SLX4IP: variants seen among roughly 807,000 people sequenced by gnomAD.
The protein encoded by SLX4IP is SLX4 interacting protein, also known as protein SLX4IP.
A neutral mutation model predicts 32.9 loss-of-function variants in SLX4IP; 34 were observed. That is an observed-to-expected ratio of 1.03 (90% confidence interval 0.79 to 1.38). The LOEUF (loss-of-function observed/expected upper bound fraction) is 1.38, where lower values mean the gene tolerates loss of function less well. Among genes scored for constraint, SLX4IP ranks in the 40% most tolerant of loss-of-function variants. The pLI is 0.00. For synonymous variants in SLX4IP, 172 were observed against 171.7 expected, an observed-to-expected ratio of 1.00 and a Z score of -0.01; for missense variants, 444 against 479.0, an observed-to-expected ratio of 0.93 and a Z score of 0.68.
intron 2 of SLX4IP, among the ~76,000 whole-genome samples, chr20:10,496,868 C>T (rs2065672562): frequency 6.6e-6 from 1 of 152,180 alleles, no homozygotes; most frequent in African/African-American, 2.4e-5. Context: ...TTCATTCTAA[C>T]ATTTTTCAGC....
At chr20:10,463,048 T>C (rs1266341142) in intron 2 of SLX4IP, among the ~76,000 whole-genome samples, 1 of 152,142 alleles carries the variant, frequency 6.6e-6, no homozygotes, top group Non-Finnish European at 1.5e-5. Flanking sequence ...AGAGAGACCC[T>C]GTCTCTAAAA....
At chr20:10,608,175 G>A (rs992041963) in intron 6 of SLX4IP, among the ~76,000 whole-genome samples, 1 of 152,140 alleles carries the variant, frequency 6.6e-6, no homozygotes, top group South Asian at 2.1e-4. Context: ...TAGAACAACT[G>A]GAAAAGGGAT....
chr20:10,515,416 C>G (rs2065841965), intron 2 of SLX4IP, among the ~76,000 whole-genome samples: 1 of 152,148 alleles, frequency 6.6e-6, no homozygotes, highest in African/African-American at 2.4e-5. Flanking sequence ...AAATTATTTT[C>G]TGGTGAAACA....
intron 1 of SLX4IP, among the ~76,000 whole-genome samples, chr20:10,452,185 T>A (rs554011237): frequency 6.6e-6 from 1 of 152,126 alleles, no homozygotes; most frequent in Non-Finnish European, 1.5e-5. Context: ...CCTCCATCCT[T>A]GTGAGCTCTC....
intron 7 of SLX4IP, 132 bp downstream of exon 7, chr20:10,621,546 C>T (rs1254157062): frequency 2.7e-6 from 2 of 733,466 alleles, no homozygotes; most frequent in Non-Finnish European, 4.7e-6. Flanking sequence ...CTTACTCTCC[C>T]CTCCCTCCTG....
chr20:10,534,921 GT>G (rs1425867652), intron 2 of SLX4IP, among the ~76,000 whole-genome samples: 4 of 152,204 alleles, frequency 2.6e-5, no homozygotes, highest in African/African-American at 9.7e-5. Flanking sequence ...ATAGAAAGGC[GT>G]AAAATGCAAC....
In SLX4IP at chr20:10,556,295, G is replaced by A. The variant is rs753726534; in HGVS notation, c.92G>A (p.Ser31Asn). The A allele has an allele frequency of 4.3e-6, 7 of 1,613,354 alleles. No individual in the cohort carries two copies. In the East Asian group the frequency reaches 1.6e-4, roughly 36 times the overall value. ...ILPQGSNKDT[S>N]WFSEQKKEEV... Reference sequence around the variant, plus strand: ...CCACAAGGTTCAAACAAAGATACAAGCTGGTTTTCTGAACAGAAGAAAGAG... The same window carrying A: ...CCACAAGGTTCAAACAAAGATACAAACTGGTTTTCTGAACAGAAGAAAGAG... Residue 31 changes from serine to asparagine, a missense_variant, in exon 3 of 8, where the codon AGC becomes AAC. Coordinates refer to ENST00000334534, the MANE Select transcript of SLX4IP (RefSeq NM_001009608.3).
intron 2 of SLX4IP, among the ~76,000 whole-genome samples, chr20:10,526,700 C>T (rs2065942995): frequency 1.3e-5 from 2 of 152,178 alleles, no homozygotes; most frequent in Admixed American, 6.5e-5. Flanking sequence ...CCTGTAATCC[C>T]AGCACTTTGG....
intron 2 of SLX4IP, among the ~76,000 whole-genome samples, chr20:10,475,536 AG>A (rs2065469048): frequency 6.6e-6 from 1 of 152,158 alleles, no homozygotes; most frequent in African/African-American, 2.4e-5. Flanking sequence ...CATGGCCCTG[AG>A]GCAGCTTCAC....
At chr20:10,572,160 C>T (rs991235114) in intron 4 of SLX4IP, among the ~76,000 whole-genome samples, 2 of 152,154 alleles carry the variant, frequency 1.3e-5, no homozygotes, top group Non-Finnish European at 2.9e-5. Context: ...AGCTTTAGAA[C>T]CCTTTCTCTA....
At chr20:10,517,003 A>C (rs2065856264) in intron 2 of SLX4IP, among the ~76,000 whole-genome samples, 1 of 152,236 alleles carries the variant, frequency 6.6e-6, no homozygotes. Flanking sequence ...TCAACCTGCA[A>C]CTTAAAACCT....
chr20:10,611,165 G>A (rs1269809125), intron 6 of SLX4IP, among the ~76,000 whole-genome samples: 1 of 152,142 alleles, frequency 6.6e-6, no homozygotes, highest in Non-Finnish European at 1.5e-5. Flanking sequence ...CCCCAAATAA[G>A]CTGATAATAT....
At chr20:10,548,504 G>T (rs1204780708) in intron 2 of SLX4IP, among the ~76,000 whole-genome samples, 1 of 152,222 alleles carries the variant, frequency 6.6e-6, no homozygotes, top group Non-Finnish European at 1.5e-5. Context: ...CTCACAGAGT[G>T]CTGGGATTAC....
chr20:10,538,903 G>T (rs920845232), intron 2 of SLX4IP, among the ~76,000 whole-genome samples: 2 of 152,210 alleles, frequency 1.3e-5, no homozygotes, highest in African/African-American at 2.4e-5. Context: ...GCACACAGTG[G>T]ATTGCAGCCT....
At chr20:10,435,537 G>C (rs1001766826) in intron 1 of SLX4IP, 84 bp downstream of exon 1, 1 of 152,190 alleles carries the variant, frequency 6.6e-6, no homozygotes, top group Non-Finnish European at 1.5e-5. Flanking sequence ...CTGGTTTTTG[G>C]CTTTGATTTT....
intron 6 of SLX4IP, among the ~76,000 whole-genome samples, chr20:10,619,336 C>T (rs964843574): frequency 1.3e-5 from 2 of 151,736 alleles, no homozygotes; most frequent in Non-Finnish European, 2.9e-5. Flanking sequence ...CATTTTCCCC[C>T]ATTGTTGTCA....
At chr20:10,549,013 A>G (rs1432282310) in intron 2 of SLX4IP, among the ~76,000 whole-genome samples, 2 of 152,164 alleles carry the variant, frequency 1.3e-5, no homozygotes, top group African/African-American at 2.4e-5. Context: ...CTTATATGTA[A>G]ACTACAAGCT....
At chr20:10,524,903 A>G (rs2065928799) in intron 2 of SLX4IP, among the ~76,000 whole-genome samples, 1 of 152,060 alleles carries the variant, frequency 6.6e-6, no homozygotes, top group South Asian at 2.1e-4. Flanking sequence ...TTCTACTGCC[A>G]TTGTCTTGGT....
chr20:10,568,722 T>C (rs1404700252), intron 4 of SLX4IP, among the ~76,000 whole-genome samples: 1 of 152,240 alleles, frequency 6.6e-6, no homozygotes, highest in Non-Finnish European at 1.5e-5. Flanking sequence ...CCATAATTAC[T>C]GTAATAGTTC....
Sources: allele counts gnomAD v4.1 joint callset (sites outside exome capture counted in the v4.1 genomes callset), GRCh38; gene constraint gnomAD v4.1.1; transcripts MANE v1.5; gene names NCBI Gene and HGNC (gene_info 2026-07-23, HGNC 2026-07-21).